METTL27: variants seen among roughly 807,000 people sequenced by gnomAD.
METTL27 encodes methyltransferase-like protein 27.
In METTL27, 29 loss-of-function variants were observed where a neutral mutation model predicts 24.5. The ratio of observed to expected loss-of-function variants is 1.18; its 90% CI spans 0.88 to 1.61. The LOEUF is 1.61. Among genes scored for constraint, METTL27 ranks in the 40% most tolerant of loss-of-function variants. The pLI, the probability that METTL27 is intolerant of heterozygous loss-of-function variation, is 0.00. For missense variants in METTL27, 341 were observed against 324.3 expected (o/e 1.05, Z -0.40); for synonymous variants, 138 against 146.8 (o/e 0.94, Z 0.43).
chr7:73,837,487 A>AG (rs1183885251), intron 5 of METTL27, among the ~76,000 whole-genome samples: 1 of 150,088 alleles, frequency 6.7e-6, no homozygotes. Flanking sequence ...AAAAAAAAAA[A>AG]AAAAAGAAAA....
Position 73,834,920 on chromosome 7 carries a change from C to T in METTL27, c.561G>A (p.Leu187=), listed in dbSNP as rs782264320. The T allele has an allele frequency of 1.2e-6, 2 of 1,614,102 alleles. No individual in the cohort carries two copies. Among genetic ancestry groups the T allele is most frequent in the Non-Finnish European group, 1.7e-6 (2 of 1,180,022 alleles). ...KEALEATLDR[L]EQAGMWEGLV... is the part of the protein sequence containing the mutation. ...GGCCTTCCCACATCCCAGCCTGCTC[C>T]AGCCTGTCCAGGGTGGCCTCCAGAG... The change falls in exon 6 of 6, where the codon CTG becomes CTA. Residue 187 remains leucine, a synonymous_variant. Coordinates refer to ENST00000297873, the MANE Select transcript of METTL27 (RefSeq NM_152559.3).
chr7:73,840,028 C>A lies in METTL27; in HGVS notation c.478+3G>T. 6.2e-7 allele frequency: 1 copy of A among 1,606,958 alleles called. No homozygotes were observed. Among genetic ancestry groups the A allele is most frequent in the South Asian group, 1.1e-5 (1 of 89,650 alleles). On this transcript the variant is annotated splice_donor_region_variant and intron_variant, in intron 5 of 5. Coordinates refer to ENST00000297873, the MANE Select transcript of METTL27 (RefSeq NM_152559.3). ...GGGGGTGGTTGGCTGGGCTGCTCCTCACCTGGCTTGGTGACATGTAGCTCA... is the reference window on the plus strand; with the variant it reads ...GGGGGTGGTTGGCTGGGCTGCTCCTAACCTGGCTTGGTGACATGTAGCTCA...
chr7:73,834,795 G>T lies in METTL27; in HGVS notation c.686C>A (p.Pro229Gln), dbSNP rs139220872. The change falls in exon 6 of 6, where the codon CCG (proline) becomes CAG (glutamine). Residue 229 changes from proline (P) to glutamine (Q), a missense_variant. By Grantham distance (76) the Pro-to-Gln change is moderately conservative. Coordinates refer to ENST00000297873, the MANE Select transcript of METTL27 (RefSeq NM_152559.3). ...PASLPRMASSPALSTCTESGR... is the reference protein window; with the variant it reads ...PASLPRMASSQALSTCTESGR... ...ACTTTCGGTACAGGTAGACAATGCCGGAGATGAAGCCATCCTTGGCAGAGA... is the reference window on the plus strand; with the variant it reads ...ACTTTCGGTACAGGTAGACAATGCCTGAGATGAAGCCATCCTTGGCAGAGA... 1 of 1,614,146 alleles carries T rather than the reference G, an allele frequency of 6.2e-7. No individual in the cohort carries two copies. Among genetic ancestry groups the T allele is most frequent in the Non-Finnish European group, 8.5e-7 (1 of 1,180,032 alleles).
chr7:73,836,519 C>T (rs1584336408), intron 5 of METTL27, among the ~76,000 whole-genome samples: 12 of 79,064 alleles, frequency 1.5e-4, no homozygotes, highest in South Asian at 5.0e-4. Context: ...CCGCCCCATC[C>T]GGGAGGGAGG....
chr7:73,840,584 C>T (rs782120860), intron 3 of METTL27, 35 bp from the exon 4 acceptor site: 7 of 1,534,198 alleles, frequency 4.6e-6, no homozygotes, highest in African/African-American at 4.1e-5. Context: ...TCATGGTTCA[C>T]ACCTGCCACT....
At chr7:73,837,547 A>G (rs1185901433) in intron 5 of METTL27, among the ~76,000 whole-genome samples, 2 of 148,318 alleles carry the variant, frequency 1.3e-5, no homozygotes, top group East Asian at 3.9e-4. Flanking sequence ...TGTCTTTTAC[A>G]TTGGGAATTC....
chr7:73,835,002 C>G lies in METTL27; in HGVS notation c.479G>C (p.Gly160Ala), dbSNP rs1554634807. The G allele has an allele frequency of 1.2e-6, 2 of 1,609,056 alleles. No individual in the cohort carries two copies. The highest frequency in any genetic ancestry group is 2.2e-5 in the East Asian group (1 of 44,738). ...CCTGGTGGTCAGACACACCAGCCCA[C>G]CTGGGGGAGAGGGGTAGGTGAGGTG... ...AIPELHVTKP[G>A]GLVCLTTRTN... The change falls in exon 6 of 6, where the codon GGT (glycine) becomes GCT (alanine). Residue 160 changes from glycine (G) to alanine (A), a missense_variant and splice_region_variant. Transcript: ENST00000297873.
At chr7:73,835,231 G>GTCTCCC (rs1788134729) in intron 5 of METTL27, among the ~76,000 whole-genome samples, 1 of 112,738 alleles carries the variant, frequency 8.9e-6, no homozygotes, top group African/African-American at 3.3e-5. Flanking sequence ...TCTCCCCACG[G>GTCTCCC]TCTCCCTCTC....
In METTL27 at chr7:73,840,014, G is replaced by T; in HGVS notation, c.478+17C>A. The T allele has an allele frequency of 1.3e-6, 2 of 1,598,526 alleles. No individual in the cohort carries two copies. Among genetic ancestry groups the T allele is most frequent in the Non-Finnish European group, 1.7e-6 (2 of 1,171,514 alleles). ...TGGTGACGGGGGTTGGGGGTGGTTG[G>T]CTGGGCTGCTCCTCACCTGGCTTGG... On this transcript the variant is annotated intron_variant, in intron 5 of 5. Coordinates refer to ENST00000297873, the MANE Select transcript of METTL27 (RefSeq NM_152559.3).
chr7:73,835,992 G>A (rs1374457518), intron 5 of METTL27, among the ~76,000 whole-genome samples: 1 of 92,662 alleles, frequency 1.1e-5, no homozygotes, highest in Non-Finnish European at 2.4e-5. Flanking sequence ...GCCCCGTCTG[G>A]GAAGTGAGGA....
At chr7:73,835,416 T>G (rs924061395) in intron 5 of METTL27, among the ~76,000 whole-genome samples, 4 of 144,260 alleles carry the variant, frequency 2.8e-5, no homozygotes, top group Admixed American at 1.4e-4. Flanking sequence ...GGTTTCGCTG[T>G]GTTGGCCAGG....
At chr7:73,835,212 C>T in intron 5 of METTL27, 1 of 445,626 alleles carries the variant, frequency 2.2e-6, no homozygotes, top group East Asian at 4.5e-5. Context: ...CTCTCCCTCT[C>T]CCTCTCCCTC....
chr7:73,840,607 C>T, intron 3 of METTL27, 58 bp from the exon 4 acceptor site: 1 of 1,522,220 alleles, frequency 6.6e-7, no homozygotes, highest in Non-Finnish European at 8.8e-7. Flanking sequence ...CCGGCTGGGT[C>T]CCTGCACCTT....
intron 5 of METTL27, among the ~76,000 whole-genome samples, chr7:73,836,413 A>G (rs1788197988): frequency 7.0e-6 from 1 of 143,242 alleles, no homozygotes; most frequent in African/African-American, 2.6e-5. Context: ...TGGGGGGGTC[A>G]GCCCCCCGCC....
chr7:73,841,343 C>T, intron 2 of METTL27, 145 bp from the exon 3 acceptor site: 2 of 1,251,872 alleles, frequency 1.6e-6, no homozygotes, highest in Non-Finnish European at 2.1e-6. Flanking sequence ...GACGCCCAGG[C>T]ATGAGGTGCT....
rs782521360 is a variant in METTL27 at position 73,840,226 on chromosome 7, G to C, written c.389-106C>G. 1.0e-5 allele frequency: 15 copies of C among 1,447,650 alleles called. No homozygotes were observed. The South Asian group carries it at 2.0e-4, about 19-fold the overall frequency. 89.7% of individuals were successfully genotyped at this position (1,447,650 alleles called of 1,614,324 possible). A position where few individuals can be genotyped will look rare whatever the true frequency, so the allele number is the denominator to read the frequency against. On this transcript the variant is annotated intron_variant, in intron 4 of 5. Coordinates refer to ENST00000297873, the MANE Select transcript of METTL27 (RefSeq NM_152559.3). ...TAGGGGTGGGACGAGGCTACTACCC[G>C]CATCTGCAGGACCCAGGTCCCCTAG...
At chr7:73,838,195 C>T (rs1455506946) in intron 5 of METTL27, among the ~76,000 whole-genome samples, 1 of 152,104 alleles carries the variant, frequency 6.6e-6, no homozygotes, top group East Asian at 1.9e-4. Context: ...GAGACACCCT[C>T]CTCACCACTC....
At chr7:73,839,014 TG>T (rs1469996002) in intron 5 of METTL27, among the ~76,000 whole-genome samples, 2 of 152,216 alleles carry the variant, frequency 1.3e-5, no homozygotes, top group East Asian at 3.8e-4. Flanking sequence ...CCAGGCACAG[TG>T]GCTCATGCCT....
At position 73,842,126 on chromosome 7, in the gene METTL27, C is replaced by T. The variant is rs781956542; in HGVS notation, c.15G>A (p.Glu5=). ...CCCGCACCTCGGGCAGGCTCCCACC[C>T]TCCTCCTGGGCCATGCTCCTGTGGG... is the stretch of plus-strand genomic sequence containing the variant. The part of the protein sequence containing the change: MAQE[E]GGSLPEVRAR... The change falls in exon 2 of 6, where the codon GAG becomes GAA. Residue 5 remains glutamate (E), a synonymous_variant. Transcript: ENST00000297873. 3 of 1,611,794 alleles carry T rather than the reference C, an allele frequency of 1.9e-6. No individual in the cohort carries two copies. The highest frequency in any genetic ancestry group is 1.7e-5 in the Admixed American group (1 of 59,890).
Sources: allele counts gnomAD v4.1 joint callset (sites outside exome capture counted in the v4.1 genomes callset), GRCh38; gene constraint gnomAD v4.1.1; transcripts MANE v1.5; gene names NCBI Gene and HGNC (gene_info 2026-07-23, HGNC 2026-07-21).